Variants in ACVR1 observed in about 807,000 individuals in gnomAD.
ACVR1 encodes activin receptor type-1.
In ACVR1, 38 loss-of-function variants were observed where a neutral mutation model predicts 57.1. The ratio of observed to expected loss-of-function variants is 0.67; its 90% CI spans 0.51 to 0.87. The LOEUF is 0.87. Ranked by LOEUF, ACVR1 falls within the 40% of genes least tolerant of loss-of-function variation. The probability of loss-of-function intolerance (pLI) is 0.00; values close to 1 mark genes in which losing one functional copy is unlikely to be tolerated. For missense variants in ACVR1, 463 were observed against 638.2 expected, an observed-to-expected ratio of 0.73 and a Z score of 2.96; for synonymous variants, 212 against 228.1, an observed-to-expected ratio of 0.93 and a Z score of 0.63.
chr2:157,836,946 T>C (rs1322514626), intron 1 of ACVR1, among the ~76,000 whole-genome samples: 2 of 152,220 alleles, frequency 1.3e-5, no homozygotes, highest in Non-Finnish European at 2.9e-5. Context: ...TTGGTTCATA[T>C]CATGTGCTTC....
chr2:157,855,304 GTGTGTATA>G (rs1385565397), intron 1 of ACVR1, among the ~76,000 whole-genome samples: 3 of 61,718 alleles, frequency 4.9e-5, no homozygotes, highest in East Asian at 7.7e-4. Context: ...GTGTGTGTGT[GTGTGTATA>G]TATATATATA....
At chr2:157,806,871 G>A (rs1465812087) in intron 2 of ACVR1, 1 of 152,208 alleles carries the variant, frequency 6.6e-6, no homozygotes, top group Non-Finnish European at 1.5e-5. Context: ...TGCTGCTGGA[G>A]GGTTTCTGGC....
At chr2:157,739,694 C>A (rs1684678996) in intron 9 of ACVR1, among the ~76,000 whole-genome samples, 1 of 152,166 alleles carries the variant, frequency 6.6e-6, no homozygotes, top group African/African-American at 2.4e-5. Flanking sequence ...AGCTTCAATT[C>A]CCTTTTCATT....
intron 9 of ACVR1, among the ~76,000 whole-genome samples, chr2:157,756,998 ATATT>A (rs1203989829): frequency 1.4e-5 from 2 of 139,632 alleles, no homozygotes; most frequent in Non-Finnish European, 3.0e-5. Context: ...TGAGATATAT[ATATT>A]TGAGATATAT....
chr2:157,801,954 TA>T (rs1290569055), intron 2 of ACVR1, among the ~76,000 whole-genome samples: 1 of 152,190 alleles, frequency 6.6e-6, no homozygotes, highest in African/African-American at 2.4e-5. Context: ...ATAGTAAATA[TA>T]AACAGGGTCC....
intron 1 of ACVR1, chr2:157,819,523 CA>C (rs1688082883): frequency 6.6e-6 from 1 of 150,554 alleles, no homozygotes; most frequent in Admixed American, 6.6e-5. Flanking sequence ...AAAGTTTGAG[CA>C]GTACAAACTA....
intron 1 of ACVR1, among the ~76,000 whole-genome samples, chr2:157,820,342 C>G (rs986170067): frequency 7.2e-5 from 11 of 152,298 alleles, no homozygotes; most frequent in African/African-American, 2.4e-4. Flanking sequence ...CTGGTATTTT[C>G]CAAGATGCTG....
intron 1 of ACVR1, among the ~76,000 whole-genome samples, chr2:157,849,457 T>C (rs1689225474): frequency 6.6e-6 from 1 of 152,240 alleles, no homozygotes; most frequent in Non-Finnish European, 1.5e-5. Context: ...ATGTGAAGTA[T>C]AGTAGTATAT....
chr2:157,752,763 C>A (rs1382393621), intron 9 of ACVR1, among the ~76,000 whole-genome samples: 1 of 152,190 alleles, frequency 6.6e-6, no homozygotes, highest in Non-Finnish European at 1.5e-5. Context: ...TTCGCCACTA[C>A]CAAGCCAGTA....
intron 2 of ACVR1, among the ~76,000 whole-genome samples, chr2:157,807,854 T>TGCG (rs1553507146): frequency 3.2e-5 from 1 of 31,094 alleles, no homozygotes; most frequent in Non-Finnish European, 7.1e-5. Flanking sequence ...TATAATAATT[T>TGCG]GGGGGGGGGG....
At chr2:157,828,347 G>T (rs1170159659) in intron 1 of ACVR1, among the ~76,000 whole-genome samples, 1 of 150,804 alleles carries the variant, frequency 6.6e-6, no homozygotes, top group Non-Finnish European at 1.5e-5. Context: ...CTACTCGGGA[G>T]ACTGAGGCGG....
intron 1 of ACVR1, among the ~76,000 whole-genome samples, chr2:157,867,245 A>G (rs763966530): frequency 1.3e-5 from 2 of 152,168 alleles, no homozygotes; most frequent in Non-Finnish European, 2.9e-5. Flanking sequence ...ACCAAGCCCT[A>G]TGGCTTCTCC....
chr2:157,839,258 T>C (rs1688894369), intron 1 of ACVR1, among the ~76,000 whole-genome samples: 1 of 152,180 alleles, frequency 6.6e-6, no homozygotes, highest in Non-Finnish European at 1.5e-5. Context: ...CTCTCTCGGG[T>C]CTCGCCTTTC....
chr2:157,810,658 C>T (rs1687719866), intron 2 of ACVR1, among the ~76,000 whole-genome samples: 1 of 152,170 alleles, frequency 6.6e-6, no homozygotes, highest in African/African-American at 2.4e-5. Context: ...CTCAGTTATC[C>T]TGCACTGAAA....
At chr2:157,739,338 T>C (rs1383673136) in intron 9 of ACVR1, among the ~76,000 whole-genome samples, 2 of 152,188 alleles carry the variant, frequency 1.3e-5, no homozygotes, top group Non-Finnish European at 2.9e-5. Flanking sequence ...ATATGAACAG[T>C]AGCTAATACC....
intron 5 of ACVR1, 119 bp downstream of exon 5, chr2:157,778,012 A>G: frequency 9.2e-7 from 1 of 1,083,922 alleles, no homozygotes; most frequent in Non-Finnish European, 1.4e-6. Context: ...TAAGTAACCA[A>G]CAGCATGTGT....
At chr2:157,837,874 T>C (rs1479387435) in intron 1 of ACVR1, among the ~76,000 whole-genome samples, 1 of 152,182 alleles carries the variant, frequency 6.6e-6, no homozygotes, top group African/African-American at 2.4e-5. Context: ...GAACGTGGAC[T>C]CTTGACTCGA....
At chr2:157,793,409 C>A (rs1686994376) in intron 3 of ACVR1, among the ~76,000 whole-genome samples, 1 of 151,764 alleles carries the variant, frequency 6.6e-6, no homozygotes, top group African/African-American at 2.4e-5. Context: ...ATGGCTGAAA[C>A]AAACACTTCC....
At chr2:157,802,225 C>T (rs187470515) in intron 2 of ACVR1, among the ~76,000 whole-genome samples, 2 of 152,120 alleles carry the variant, frequency 1.3e-5, no homozygotes, top group East Asian at 3.9e-4. Context: ...AGGGTGAATA[C>T]AGGACACAGA....
Sources: allele counts gnomAD v4.1 joint callset (sites outside exome capture counted in the v4.1 genomes callset), GRCh38; gene constraint gnomAD v4.1.1; transcripts MANE v1.5; gene names NCBI Gene and HGNC (gene_info 2026-07-23, HGNC 2026-07-21).